Variants in NFATC2 observed in about 807,000 individuals in gnomAD.
NFATC2 encodes the protein nuclear factor of activated T cells 2.
NFATC2 carries 22 observed loss-of-function variants against 87.3 expected under a neutral mutation model. The ratio of observed to expected loss-of-function variants is 0.25; its 90% CI spans 0.18 to 0.36. NFATC2 has a LOEUF of 0.36. Ranked by LOEUF, NFATC2 falls within the 10% of genes least tolerant of loss-of-function variation. NFATC2 has a pLI of 1.00. For synonymous variants in NFATC2, 565 were observed against 542.2 expected (o/e 1.04, Z -0.58); for missense variants, 1,149 against 1,259.1 (o/e 0.91, Z 1.32).
At chr20:51,561,586 A>T (rs1380440511) in intron 1 of NFATC2, among the ~76,000 whole-genome samples, 1 of 37,944 alleles carries the variant, frequency 2.6e-5, no homozygotes, top group African/African-American at 1.0e-4. Flanking sequence ...CCACCCCCAC[A>T]CCCCGAACTT....
intron 3 of NFATC2, among the ~76,000 whole-genome samples, chr20:51,490,386 C>T (rs79699748): frequency 5.3e-5 from 8 of 152,340 alleles, no homozygotes; most frequent in East Asian, 1.9e-4. Flanking sequence ...GACAACTATA[C>T]GATCTTCTGT....
intron 9 of NFATC2, among the ~76,000 whole-genome samples, chr20:51,421,676 T>C (rs981990127): frequency 2.6e-5 from 4 of 152,244 alleles, no homozygotes; most frequent in Admixed American, 2.6e-4. Flanking sequence ...CCAAGGTGGC[T>C]AGATCCTTGG....
intron 3 of NFATC2, among the ~76,000 whole-genome samples, chr20:51,505,780 G>A (rs920751108): frequency 1.3e-5 from 2 of 152,040 alleles, no homozygotes; most frequent in East Asian, 1.9e-4. Flanking sequence ...CAAGAGCTGC[G>A]CACAGAACAC....
chr20:51,521,880 T>C (rs2076451058), intron 2 of NFATC2, among the ~76,000 whole-genome samples: 2 of 152,240 alleles, frequency 1.3e-5, no homozygotes, highest in South Asian at 4.1e-4. Flanking sequence ...ATTCATCCAC[T>C]GTATCCATGG....
chr20:51,538,228 ACAC>A (rs2076751327), intron 1 of NFATC2, among the ~76,000 whole-genome samples: 1 of 152,268 alleles, frequency 6.6e-6, no homozygotes, highest in Non-Finnish European at 1.5e-5. Context: ...AGAAAATAAT[ACAC>A]CAAGTGGAGT....
At chr20:51,403,635 C>T (rs1988277665) in intron 9 of NFATC2, among the ~76,000 whole-genome samples, 1 of 152,016 alleles carries the variant, frequency 6.6e-6, no homozygotes, top group Admixed American at 6.6e-5. Flanking sequence ...AAGGTGGGGC[C>T]CTCGTGATGG....
At position 51,391,468 on chromosome 20, in the gene NFATC2, GA is replaced by G. The variant is rs748950395; in HGVS notation, c.*45-18del. 499 of 1,218,994 alleles carry G rather than the reference GA, an allele frequency of 4.1e-4. 2 individuals are homozygous for G. Among genetic ancestry groups the G allele is most frequent in the South Asian group, 3.4e-3 (282 of 82,830 alleles). The allele number at this position is 1,218,994 out of a possible 1,614,324, so 75.5% of individuals were successfully genotyped here. A position where few individuals can be genotyped will look rare whatever the true frequency, so the allele number is the denominator to read the frequency against. ...TTTCATTAACTACAAAAGAAAAGAG[GA>G]GGGGGGGGGAGAGAGAATGGGGCAA... On this transcript the variant is annotated intron_variant, in intron 10 of 10. Transcript: ENST00000371564.
intron 1 of NFATC2, among the ~76,000 whole-genome samples, chr20:51,550,798 A>G (rs2076926598): frequency 6.6e-6 from 1 of 152,192 alleles, no homozygotes; most frequent in Non-Finnish European, 1.5e-5. Context: ...TGAATACTAT[A>G]CCAAAAGAGA....
chr20:51,543,346 G>A (rs567756761), upstream of NFATC2, among the ~76,000 whole-genome samples: 1 of 152,350 alleles, frequency 6.6e-6, no homozygotes, highest in South Asian at 2.1e-4. Flanking sequence ...AGGCCTGAAG[G>A]AGAGAAACAG....
chr20:51,538,005 C>T (rs1428296084), intron 1 of NFATC2, among the ~76,000 whole-genome samples: 2 of 152,158 alleles, frequency 1.3e-5, no homozygotes, highest in East Asian at 3.9e-4. Context: ...CATCAAGAAA[C>T]AACTCCACAA....
At chr20:51,491,475 A>G (rs1187427122) in intron 3 of NFATC2, among the ~76,000 whole-genome samples, 3 of 152,164 alleles carry the variant, frequency 2.0e-5, no homozygotes, top group African/African-American at 4.8e-5. Context: ...CAAGACAGAA[A>G]GCTTGCTTTG....
upstream of NFATC2, among the ~76,000 whole-genome samples, chr20:51,545,188 G>T (rs764748450): frequency 6.6e-6 from 1 of 152,166 alleles, no homozygotes; most frequent in Non-Finnish European, 1.5e-5. Flanking sequence ...AAGGAGAAAA[G>T]CTAGGAATGC....
chr20:51,435,409 T>C (rs1983416383), intron 7 of NFATC2, 95 bp from the exon 8 acceptor site: 3 of 1,519,600 alleles, frequency 2.0e-6, no homozygotes. Flanking sequence ...GTCTAATGGG[T>C]GTTTTGATGT....
intron 9 of NFATC2, among the ~76,000 whole-genome samples, chr20:51,426,219 C>A (rs1981809839): frequency 6.6e-6 from 1 of 152,186 alleles, no homozygotes; most frequent in Non-Finnish European, 1.5e-5. Context: ...TGGGTCACAG[C>A]TATAATCCCA....
At chr20:51,467,726 C>T (rs561068141) in intron 5 of NFATC2, among the ~76,000 whole-genome samples, 28 of 152,274 alleles carry the variant, frequency 1.8e-4, no homozygotes, top group African/African-American at 6.7e-4. Flanking sequence ...TGTAGAGTAA[C>T]TGGAACTCTC....
chr20:51,465,348 C>G (rs1437166985), intron 5 of NFATC2, among the ~76,000 whole-genome samples: 2 of 152,148 alleles, frequency 1.3e-5, no homozygotes, highest in Non-Finnish European at 2.9e-5. Context: ...CCACTGCACT[C>G]CAGCCTGGGT....
At chr20:51,423,339 A>C (rs910587886) in intron 9 of NFATC2, among the ~76,000 whole-genome samples, 2 of 149,604 alleles carry the variant, frequency 1.3e-5, no homozygotes. Context: ...TTGTGGCTGG[A>C]ATCAGGGAAA....
At chr20:51,485,727 T>G (rs1989654910) in intron 3 of NFATC2, among the ~76,000 whole-genome samples, 1 of 152,120 alleles carries the variant, frequency 6.6e-6, no homozygotes, top group South Asian at 2.1e-4. Flanking sequence ...AGTTTCATCA[T>G]CTGTAAATGT....
In NFATC2 at chr20:51,500,712, A is replaced by C. The variant is rs1316337064; in HGVS notation, c.1332+16072T>G. Reference sequence around the variant, plus strand: ...CCCACCTCCACACTCACCACCCCGCACCTCTACCCTCGCCCTCACCCTCAC... The same window carrying C: ...CCCACCTCCACACTCACCACCCCGCCCCTCTACCCTCGCCCTCACCCTCAC... On this transcript the variant is annotated intron_variant, in intron 3 of 10. Coordinates refer to ENST00000371564, the MANE Select transcript of NFATC2 (RefSeq NM_012340.5). Among the ~76,000 whole-genome samples, 21 of 25,410 alleles carry C rather than the reference A, an allele frequency of 8.3e-4. 1 individual carries two copies. Among genetic ancestry groups the C allele is most frequent in the South Asian group, 2.2e-3 (1 of 448 alleles). 16.7% of individuals were successfully genotyped at this position (25,410 alleles called of 152,430 possible).
Sources: gnomAD v4.1 joint callset for allele counts (sites outside exome capture counted in the v4.1 genomes callset) on GRCh38, gnomAD v4.1.1 for gene constraint, MANE v1.5 for transcripts, NCBI Gene and HGNC (gene_info 2026-07-23, HGNC 2026-07-21) for gene names.